The following KCTD8 variants were observed in gnomAD, a reference collection of about 807,000 sequenced individuals.
KCTD8 encodes the protein BTB/POZ domain-containing protein KCTD8.
A neutral mutation model predicts 31.5 loss-of-function variants in KCTD8; 27 were observed. The ratio of observed to expected loss-of-function variants is 0.86; its 90% CI spans 0.63 to 1.18. The LOEUF (loss-of-function observed/expected upper bound fraction) is 1.18, where lower values mean the gene tolerates loss of function less well. Among genes scored for constraint, KCTD8 ranks in the 50% most tolerant of loss-of-function variants. The pLI is 0.00. For missense variants in KCTD8, 658 were observed against 647.7 expected, an observed-to-expected ratio of 1.02 and a Z score of -0.17; for synonymous variants, 290 against 280.0, an observed-to-expected ratio of 1.04 and a Z score of -0.36.
intron 1 of KCTD8, among the ~76,000 whole-genome samples, chr4:44,443,034 C>T (rs1193408568): frequency 1.3e-5 from 2 of 152,162 alleles, no homozygotes; most frequent in East Asian, 3.8e-4. Flanking sequence ...CATAGCACAG[C>T]CTCTAAACTT....
chr4:44,180,383 A>G (rs1372217390), intron 1 of KCTD8, among the ~76,000 whole-genome samples: 1 of 152,218 alleles, frequency 6.6e-6, no homozygotes, highest in East Asian at 1.9e-4. Context: ...AGGTACACCT[A>G]GAAACTTTCA....
At chr4:44,400,441 T>C (rs35857026) in intron 1 of KCTD8, among the ~76,000 whole-genome samples, 11,776 of 151,366 alleles carry the variant, frequency 0.078, 487 homozygotes, top group South Asian at 0.15. Context: ...TAAATAGACA[T>C]AAAAACCAGC....
intron 1 of KCTD8, among the ~76,000 whole-genome samples, chr4:44,257,526 T>C (rs575718793): frequency 1.5e-4 from 23 of 152,098 alleles, no homozygotes; most frequent in African/African-American, 5.3e-4. Context: ...TAGAAAAACA[T>C]CCCCTCAAGG....
At chr4:44,329,062 A>T (rs1718525622) in intron 1 of KCTD8, among the ~76,000 whole-genome samples, 1 of 151,930 alleles carries the variant, frequency 6.6e-6, no homozygotes, top group African/African-American at 2.4e-5. Flanking sequence ...CACCATAAGA[A>T]GAGGAGTGTT....
intron 1 of KCTD8, among the ~76,000 whole-genome samples, chr4:44,291,435 T>A (rs1717269181): frequency 6.6e-6 from 1 of 152,164 alleles, no homozygotes; most frequent in African/African-American, 2.4e-5. Context: ...GCTAGCCATA[T>A]GCAGAAGAAT....
chr4:44,306,332 T>G (rs916137669), intron 1 of KCTD8, among the ~76,000 whole-genome samples: 1 of 152,042 alleles, frequency 6.6e-6, no homozygotes, highest in Non-Finnish European at 1.5e-5. Context: ...ATTGGTCAAG[T>G]ATAATTATAT....
chr4:44,292,246 G>T (rs546419474), intron 1 of KCTD8, among the ~76,000 whole-genome samples: 1 of 152,154 alleles, frequency 6.6e-6, no homozygotes, highest in South Asian at 2.1e-4. Flanking sequence ...ACAGTGGACT[G>T]CATAAAGAAA....
At position 44,448,272 on chromosome 4, in the gene KCTD8, C is replaced by T. The variant is rs764253928; in HGVS notation, c.252G>A (p.Arg84=). 11 of 1,602,356 alleles carry T rather than the reference C, an allele frequency of 6.9e-6. No homozygotes were observed. The highest frequency in any genetic ancestry group is 1.1e-5 in the South Asian group (1 of 89,858). The change falls in exon 1 of 2, where the codon CGG becomes CGA. Residue 84 remains arginine, a synonymous_variant. Transcript: ENST00000360029. The surrounding 1 kb of genome is among the most constrained non-coding windows in gnomAD (Gnocchi z 4.1). ...TGTCCCTGGGCAGCTCGCCCCGGCGCCGGGCGCCGCCACGGGGACTAGAGG... is the reference window on the plus strand; with the variant it reads ...TGTCCCTGGGCAGCTCGCCCCGGCGTCGGGCGCCGCCACGGGGACTAGAGG... The part of the protein sequence containing the change: ...FSPSSPRGGA[R]RRGELPRDSR...
At chr4:44,375,394 A>C (rs560215854) in intron 1 of KCTD8, among the ~76,000 whole-genome samples, 1 of 152,300 alleles carries the variant, frequency 6.6e-6, no homozygotes, top group African/African-American at 2.4e-5. Context: ...AAAGATAAGT[A>C]AGAAATGAAG....
At chr4:44,229,209 C>T (rs1308640111) in intron 1 of KCTD8, among the ~76,000 whole-genome samples, 1 of 152,152 alleles carries the variant, frequency 6.6e-6, no homozygotes, top group African/African-American at 2.4e-5. Flanking sequence ...AGGGCTCTCC[C>T]CTACCCACCA....
rs184594942 is a variant in KCTD8, at chr4:44,285,289, C to G, written c.962-110039G>C. ...CATATACACCATGGAATACTATGCA[C>G]CCATAAAACAGAATGAGTTCATGTC... is the stretch of plus-strand genomic sequence containing the variant. On this transcript the variant is annotated intron_variant, in intron 1 of 1. Transcript: ENST00000360029. Among the ~76,000 whole-genome samples, 387 of 152,092 alleles carry G rather than the reference C, an allele frequency of 2.5e-3. 1 individual carries two copies. Among genetic ancestry groups the G allele is most frequent in the African/African-American group, 8.6e-3 (355 of 41,490 alleles).
chr4:44,434,046 T>C (rs552597991), intron 1 of KCTD8, among the ~76,000 whole-genome samples: 1 of 151,862 alleles, frequency 6.6e-6, no homozygotes, highest in South Asian at 2.1e-4. Context: ...TTTGCCTACA[T>C]TTCCAGATTT....
At chr4:44,269,219 C>T (rs1367121110) in intron 1 of KCTD8, among the ~76,000 whole-genome samples, 2 of 152,014 alleles carry the variant, frequency 1.3e-5, no homozygotes, top group Admixed American at 1.3e-4. Flanking sequence ...AGAACAGAGC[C>T]CTCAGAAATA....
intron 1 of KCTD8, among the ~76,000 whole-genome samples, chr4:44,269,484 G>A (rs1186248054): frequency 2.6e-4 from 40 of 151,192 alleles, no homozygotes; most frequent in Non-Finnish European, 4.6e-4. Flanking sequence ...GCATGGGCAA[G>A]GACTTCATGT....
chr4:44,175,991 G>C (rs749976345), intron 1 of KCTD8, among the ~76,000 whole-genome samples: 50 of 152,286 alleles, frequency 3.3e-4, no homozygotes, highest in Non-Finnish European at 5.6e-4. Context: ...AGTTTACCAA[G>C]ATAATTATTT....
At chr4:44,380,250 TAAC>T (rs1460260841) in intron 1 of KCTD8, among the ~76,000 whole-genome samples, 2 of 151,926 alleles carry the variant, frequency 1.3e-5, no homozygotes, top group Non-Finnish European at 2.9e-5. Flanking sequence ...TAATGGTCCC[TAAC>T]AACATTATCA....
intron 1 of KCTD8, among the ~76,000 whole-genome samples, chr4:44,279,588 C>A (rs970481866): frequency 6.6e-6 from 1 of 152,070 alleles, no homozygotes; most frequent in Admixed American, 6.6e-5. Context: ...TTAATTACAT[C>A]TAGAAATTCC....
intron 1 of KCTD8, among the ~76,000 whole-genome samples, chr4:44,363,071 G>A (rs1719541957): frequency 6.6e-6 from 1 of 152,032 alleles, no homozygotes; most frequent in African/African-American, 2.4e-5. Context: ...AGGAGGTTAT[G>A]TGCAAGATGG....
chr4:44,185,030 G>T (rs1713538256), intron 1 of KCTD8, among the ~76,000 whole-genome samples: 1 of 152,218 alleles, frequency 6.6e-6, no homozygotes. Flanking sequence ...AAAATATAAT[G>T]TAGCATGAGA....
Sources: allele counts gnomAD v4.1 joint callset (sites outside exome capture counted in the v4.1 genomes callset), GRCh38; gene constraint gnomAD v4.1.1; non-coding constraint Gnocchi (gnomAD v3.1); transcripts MANE v1.5; gene names NCBI Gene and HGNC (gene_info 2026-07-23, HGNC 2026-07-21).